HROB: variants seen among roughly 807,000 people sequenced by gnomAD.
The protein encoded by HROB is homologous recombination factor with OB-fold, also known as homologous recombination OB-fold protein.
Under a neutral mutation model 61.0 loss-of-function variants are expected in HROB, and 44 were observed. The ratio of observed to expected loss-of-function variants is 0.72; its 90% CI spans 0.57 to 0.93. HROB has a LOEUF of 0.93. Among genes scored for constraint, HROB ranks in the 40% least tolerant of loss-of-function variants. The pLI, the probability that HROB is intolerant of heterozygous loss-of-function variation, is 0.00. For missense variants in HROB, 716 were observed against 796.2 expected, an observed-to-expected ratio of 0.90 and a Z score of 1.21; for synonymous variants, 301 against 310.4, an observed-to-expected ratio of 0.97 and a Z score of 0.32.
chr17:44,151,449 C>A (rs2053802437), intron 4 of HROB, among the ~76,000 whole-genome samples: 1 of 152,102 alleles, frequency 6.6e-6, no homozygotes, highest in African/African-American at 2.4e-5. Context: ...TGGGTGAGAC[C>A]CTGCTTCCCT....
intron 8 of HROB, among the ~76,000 whole-genome samples, 174 bp from the exon 9 acceptor site, chr17:44,157,659 C>G (rs1463089326): frequency 6.6e-6 from 1 of 152,074 alleles, no homozygotes; most frequent in Admixed American, 6.6e-5. Context: ...AAATGATTCA[C>G]CCGCCTCGGC....
At chr17:44,154,986 A>G (rs1256160859) in intron 7 of HROB, 48 bp downstream of exon 7, 1 of 1,581,864 alleles carries the variant, frequency 6.3e-7, no homozygotes, top group Non-Finnish European at 8.6e-7. Context: ...TAGAGCCCTC[A>G]GTGTCTGTCT....
intron 2 of HROB, among the ~76,000 whole-genome samples, chr17:44,145,813 A>G (rs1174467237): frequency 6.6e-6 from 1 of 152,226 alleles, no homozygotes; most frequent in African/African-American, 2.4e-5. Context: ...TCTACCACAC[A>G]CCAATTAAAT....
intron 1 of HROB, among the ~76,000 whole-genome samples, chr17:44,143,126 C>A (rs1342812776): frequency 6.6e-6 from 1 of 152,118 alleles, no homozygotes; most frequent in South Asian, 2.1e-4. Flanking sequence ...TTAGTAGAGA[C>A]GAGGTTTCAC....
chr17:44,154,671 A>G lies in HROB; in HGVS notation c.1558+7A>G, dbSNP rs756319345. ...GTTTTCAAGGACCCCACGGGTAAGG[A>G]ATTAGGTCCTAGGTTGTCTGGTGAG... On this transcript the variant is annotated splice_region_variant and intron_variant, in intron 6 of 9. Transcript: ENST00000585683. The G allele has an allele frequency of 1.2e-6, 2 of 1,613,478 alleles. No individual in the cohort carries two copies. Among genetic ancestry groups the G allele is most frequent in the Non-Finnish European group, 1.7e-6 (2 of 1,179,566 alleles).
At chr17:44,156,361 G>A (rs763641861) in intron 8 of HROB, among the ~76,000 whole-genome samples, 6 of 151,232 alleles carry the variant, frequency 4.0e-5, no homozygotes, top group African/African-American at 4.9e-5. Context: ...TCAGCCTCCC[G>A]AACAGCTGGG....
Position 44,162,097 on chromosome 17 carries a change from C to T in HROB, c.*165C>T. Reference sequence around the variant, plus strand: ...GTGTTTTCCCTGAGAGCCCCCTCATCTCTGCGCTGCCCTCACTTTGGGCCT... The same window carrying T: ...GTGTTTTCCCTGAGAGCCCCCTCATTTCTGCGCTGCCCTCACTTTGGGCCT... On this transcript the variant is annotated 3_prime_UTR_variant, in exon 10 of 10. Coordinates refer to ENST00000585683, the MANE Select transcript of HROB (RefSeq NM_001171251.3). 3.0e-6 allele frequency: 2 copies of T among 673,670 alleles called. No individual in the cohort carries two copies. The highest frequency in any genetic ancestry group is 2.0e-5 in the South Asian group (1 of 50,768). 41.7% of individuals were successfully genotyped at this position (673,670 alleles called of 1,614,324 possible).
At chr17:44,152,598 C>T in intron 4 of HROB, 39 bp from the exon 5 acceptor site, 1 of 1,605,880 alleles carries the variant, frequency 6.2e-7, no homozygotes, top group Non-Finnish European at 8.5e-7. Context: ...GCAAGGTAGA[C>T]CTATTCATAC....
chr17:44,155,077 G>A, intron 7 of HROB, 139 bp downstream of exon 7: 1 of 1,297,806 alleles, frequency 7.7e-7, no homozygotes, highest in East Asian at 2.5e-5. Context: ...TTGAGCTCAG[G>A]GAAGGCCTGT....
At chr17:44,142,508 C>T (rs1422248704) in intron 1 of HROB, among the ~76,000 whole-genome samples, 1 of 150,358 alleles carries the variant, frequency 6.7e-6, no homozygotes. Flanking sequence ...GTTCTGTCGC[C>T]CAGGCTGGAG....
At chr17:44,154,482 C>T (rs2053911155) in intron 5 of HROB, 74 bp from the exon 6 acceptor site, 1 of 1,484,036 alleles carries the variant, frequency 6.7e-7, no homozygotes, top group Non-Finnish European at 9.4e-7. Context: ...CCCGGTTGCC[C>T]TGGCACACTT....
At chr17:44,150,337 G>A (rs1280818487) in intron 3 of HROB, among the ~76,000 whole-genome samples, 1 of 151,870 alleles carries the variant, frequency 6.6e-6, no homozygotes, top group Non-Finnish European at 1.5e-5. Context: ...GTTAGGACTT[G>A]GGGAAAGCTG....
intron 4 of HROB, among the ~76,000 whole-genome samples, chr17:44,152,271 C>T (rs1053746118): frequency 6.6e-5 from 10 of 152,026 alleles, no homozygotes; most frequent in Non-Finnish European, 1.2e-4. Flanking sequence ...TGAGCCACCG[C>T]GTCTGGCCCA....
intron 7 of HROB, 46 bp from the exon 8 acceptor site, chr17:44,155,240 C>T: frequency 6.2e-7 from 1 of 1,608,968 alleles, no homozygotes. Context: ...TCTGGCAGCT[C>T]CCAGTGCTCC....
rs1314700259 is a variant in HROB, at chr17:44,162,267, C to G, written c.*335C>G. ...GCCTGGTTTTCTTGTCCCTTCATAC[C>G]CTAGTCCCTGGACAGCTGAGGAGAT... On this transcript the variant is annotated 3_prime_UTR_variant, in exon 10 of 10. Coordinates refer to ENST00000585683, the MANE Select transcript of HROB (RefSeq NM_001171251.3). 2 of 276,522 alleles carry G rather than the reference C, an allele frequency of 7.2e-6. No individual in the cohort carries two copies. Among genetic ancestry groups the G allele is most frequent in the Non-Finnish European group, 7.0e-6 (1 of 142,418 alleles). The allele number at this position is 276,522 out of a possible 1,614,324, so 17.1% of individuals were successfully genotyped here.
At chr17:44,154,975 A>G in intron 7 of HROB, 37 bp downstream of exon 7, 2 of 1,597,822 alleles carry the variant, frequency 1.3e-6, no homozygotes, top group Non-Finnish European at 1.7e-6. Context: ...TGCCCCCCGG[A>G]TAGAGCCCTC....
At chr17:44,149,167 A>G (rs2053720088) in intron 3 of HROB, 140 bp downstream of exon 3, 2 of 897,210 alleles carry the variant, frequency 2.2e-6, no homozygotes, top group East Asian at 5.3e-5. Flanking sequence ...TGCAGGAGAA[A>G]TAAAAGGGAA....
chr17:44,148,279 A>G lies in HROB; in HGVS notation c.476A>G (p.Asp159Gly). The G allele has an allele frequency of 6.2e-7, 1 of 1,614,142 alleles. No individual in the cohort carries two copies. The highest frequency in any genetic ancestry group is 8.5e-7 in the Non-Finnish European group (1 of 1,180,028). ...GAGGGGCCTGAACAAGACGAATTTGATAAAGTCCTGGCAAGCATGGAGTTG... is the reference window on the plus strand; with the variant it reads ...GAGGGGCCTGAACAAGACGAATTTGGTAAAGTCCTGGCAAGCATGGAGTTG... Reference protein sequence around the residue: ...GFEGPEQDEFDKVLASMELEE... With the variant: ...GFEGPEQDEFGKVLASMELEE... Residue 159 changes from aspartate (D) to glycine (G), a missense_variant, in exon 3 of 10, where the codon GAT (aspartate) becomes GGT (glycine). Coordinates refer to ENST00000585683, the MANE Select transcript of HROB (RefSeq NM_001171251.3).
Position 44,141,957 on chromosome 17 carries a change from A to C in HROB, c.-186A>C. 1 of 764,260 alleles carries C rather than the reference A, an allele frequency of 1.3e-6. No homozygotes were observed. Among genetic ancestry groups the C allele is most frequent in the Non-Finnish European group, 2.0e-6 (1 of 504,750 alleles). 47.3% of individuals were successfully genotyped at this position (764,260 alleles called of 1,614,324 possible). Reference sequence around the variant, plus strand: ...TGGCGGCGTCTTCGAATGCGGCCTAAGGCGCCTGCCGCCAGTCTCCTGGCG... The same window carrying C: ...TGGCGGCGTCTTCGAATGCGGCCTACGGCGCCTGCCGCCAGTCTCCTGGCG... On this transcript the variant is annotated 5_prime_UTR_variant, in exon 1 of 10. Transcript: ENST00000585683.
Sources: allele counts gnomAD v4.1 joint callset (sites outside exome capture counted in the v4.1 genomes callset), GRCh38; gene constraint gnomAD v4.1.1; transcripts MANE v1.5; gene names NCBI Gene and HGNC (gene_info 2026-07-23, HGNC 2026-07-21).